The following FGF12 variants were observed in gnomAD, a reference collection of about 807,000 sequenced individuals.
The protein encoded by FGF12 is fibroblast growth factor 12, also known as fibroblast growth factor 12B.
Under a neutral mutation model 23.6 loss-of-function variants are expected in FGF12, and 14 were observed. The ratio of observed to expected loss-of-function variants is 0.59; its 90% confidence interval spans 0.39 to 0.93. The LOEUF (loss-of-function observed/expected upper bound fraction) is 0.93, where lower values mean the gene tolerates loss of function less well. Ranked by LOEUF, FGF12 falls within the 40% of genes least tolerant of loss-of-function variation. The pLI, the probability that FGF12 is intolerant of heterozygous loss-of-function variation, is 0.00. For synonymous variants in FGF12, 62 were observed against 77.3 expected (o/e 0.80, Z 1.04); for missense variants, 175 against 217.8 (o/e 0.80, Z 1.24).
intron 2 of FGF12, among the ~76,000 whole-genome samples, chr3:192,710,306 A>G (rs1294219103): frequency 6.6e-6 from 1 of 152,070 alleles, no homozygotes; most frequent in Non-Finnish European, 1.5e-5. Flanking sequence ...TTATCCTTTC[A>G]AGTAAGGATA....
intron 2 of FGF12, among the ~76,000 whole-genome samples, chr3:192,387,390 C>A (rs1576937135): frequency 6.6e-6 from 1 of 152,048 alleles, no homozygotes; most frequent in South Asian, 2.1e-4. Context: ...ACATCCAAAC[C>A]TGTCTTCTAT....
At chr3:192,498,744 C>T (rs908226808) in intron 2 of FGF12, among the ~76,000 whole-genome samples, 1 of 152,230 alleles carries the variant, frequency 6.6e-6, no homozygotes, top group African/African-American at 2.4e-5. Context: ...ATGTTGGAGT[C>T]CATTACCACA....
intron 2 of FGF12, among the ~76,000 whole-genome samples, chr3:192,716,197 C>T (rs2108743257): frequency 6.6e-6 from 1 of 152,264 alleles, no homozygotes; most frequent in East Asian, 1.9e-4. Flanking sequence ...GAATCAGAAA[C>T]CCTAGGGGTG....
chr3:192,604,438 G>C (rs1277063813), intron 2 of FGF12, among the ~76,000 whole-genome samples: 2 of 152,184 alleles, frequency 1.3e-5, no homozygotes, highest in Non-Finnish European at 2.9e-5. Context: ...CTCTTCTTCA[G>C]CTCCAGCCGG....
At chr3:192,279,830 G>T (rs899703827) in intron 4 of FGF12, among the ~76,000 whole-genome samples, 1 of 152,156 alleles carries the variant, frequency 6.6e-6, no homozygotes, top group Non-Finnish European at 1.5e-5. Flanking sequence ...TAAGGAAATG[G>T]ACTAGAGAGT....
chr3:192,707,093 T>G (rs35231686), intron 2 of FGF12, among the ~76,000 whole-genome samples: 4,014 of 152,242 alleles, frequency 0.026, 73 homozygotes, highest in Middle Eastern at 0.082. Context: ...GCTTTTGAGT[T>G]GAGGAAACTG....
At chr3:192,636,452 T>C (rs1715587430) in intron 2 of FGF12, among the ~76,000 whole-genome samples, 1 of 152,210 alleles carries the variant, frequency 6.6e-6, no homozygotes, top group East Asian at 1.9e-4. Flanking sequence ...CACTATAAAC[T>C]ACCACCATTT....
chr3:192,430,790 G>C, intron 2 of FGF12, among the ~76,000 whole-genome samples: 1 of 152,152 alleles, frequency 6.6e-6, no homozygotes, highest in South Asian at 2.1e-4. Context: ...GTGGGTCTTA[G>C]TGACCACAGG....
chr3:192,159,943 AGTGTGTGTGT>A lies in FGF12; in HGVS notation c.427+10505_427+10514del, dbSNP rs10575323. ...TGATTTTAAAATGTCATATTTAAGT[AGTGTGTGTGT>A]GTGTGTGTGTGTGTGTGTGTGTGTG... is the stretch of plus-strand genomic sequence containing the variant. On this transcript the variant is annotated intron_variant, in intron 5 of 5. Transcript: ENST00000445105. Among the ~76,000 whole-genome samples, 239 of 149,324 alleles carry A rather than the reference AGTGTGTGTGT, an allele frequency of 1.6e-3. 1 individual carries two copies. The highest frequency in any genetic ancestry group is 4.9e-3 in the African/African-American group (200 of 40,544).
At chr3:192,392,463 G>A (rs372929032) in intron 2 of FGF12, among the ~76,000 whole-genome samples, 89 of 140,038 alleles carry the variant, frequency 6.4e-4, no homozygotes, top group African/African-American at 2.3e-3. Flanking sequence ...GGGCATGGTG[G>A]CGCATGCCTG....
At chr3:192,237,407 G>A (rs575341253) in intron 4 of FGF12, among the ~76,000 whole-genome samples, 2 of 152,214 alleles carry the variant, frequency 1.3e-5, no homozygotes, top group Non-Finnish European at 1.5e-5. Context: ...AAATTTTCAT[G>A]ACCAATATTC....
At chr3:192,330,493 T>C (rs1280825251) in intron 4 of FGF12, among the ~76,000 whole-genome samples, 1 of 152,156 alleles carries the variant, frequency 6.6e-6, no homozygotes, top group East Asian at 1.9e-4. Flanking sequence ...CAACAAGTGG[T>C]GTTGGAAAAA....
intron 2 of FGF12, among the ~76,000 whole-genome samples, chr3:192,448,189 A>G (rs1401525544): frequency 6.6e-6 from 1 of 152,208 alleles, no homozygotes; most frequent in Non-Finnish European, 1.5e-5. Flanking sequence ...TATTAAATTC[A>G]GTTCCTGTTA....
intron 2 of FGF12, among the ~76,000 whole-genome samples, chr3:192,681,001 G>A (rs1314180772): frequency 6.6e-6 from 1 of 152,176 alleles, no homozygotes; most frequent in Non-Finnish European, 1.5e-5. Context: ...AGCTGAACAA[G>A]TCTTCAGGTT....
chr3:192,508,704 T>G (rs1231916282), intron 2 of FGF12, among the ~76,000 whole-genome samples: 1 of 152,182 alleles, frequency 6.6e-6, no homozygotes, highest in Non-Finnish European at 1.5e-5. Flanking sequence ...TTTTTATATC[T>G]TTATCTTAGT....
intron 2 of FGF12, among the ~76,000 whole-genome samples, chr3:192,524,591 C>A (rs1163312854): frequency 6.6e-6 from 1 of 152,104 alleles, no homozygotes; most frequent in Non-Finnish European, 1.5e-5. Context: ...ATATTTCAGC[C>A]CCTTTAAGGT....
At chr3:192,335,606 A>C (rs761383647) in intron 3 of FGF12, 142 bp from the exon 4 acceptor site, 30 of 623,472 alleles carry the variant, frequency 4.8e-5, no homozygotes, top group Admixed American at 1.4e-4. Context: ...AGGTCTAAAA[A>C]CGAGAGAAAT....
At chr3:192,378,753 T>C (rs1719683948) in intron 2 of FGF12, among the ~76,000 whole-genome samples, 1 of 152,058 alleles carries the variant, frequency 6.6e-6, no homozygotes, top group African/African-American at 2.4e-5. Flanking sequence ...GTGGGCTATA[T>C]CTATATTTTA....
chr3:192,563,039 G>T (rs1190127616), intron 2 of FGF12, among the ~76,000 whole-genome samples: 2 of 152,148 alleles, frequency 1.3e-5, no homozygotes, highest in Non-Finnish European at 2.9e-5. Context: ...AAGACTCCAA[G>T]GATCTTGAGA....
Sources: allele counts gnomAD v4.1 joint callset (sites outside exome capture counted in the v4.1 genomes callset), GRCh38; gene constraint gnomAD v4.1.1; transcripts MANE v1.5; gene names NCBI Gene and HGNC (gene_info 2026-07-23, HGNC 2026-07-21).